FAM13A: variants seen among roughly 807,000 people sequenced by gnomAD.
FAM13A encodes the protein family with sequence similarity 13 member A.
In FAM13A, 76 loss-of-function variants were observed where a neutral mutation model predicts 129.6. The ratio of observed to expected loss-of-function variants is 0.59; its 90% confidence interval spans 0.49 to 0.71. The LOEUF is 0.71. FAM13A is among the 30% of genes least tolerant of loss of function. The pLI is 0.00. For missense variants in FAM13A, 1,108 were observed against 1,249.3 expected (o/e 0.89, Z 1.70); for synonymous variants, 443 against 449.9 (o/e 0.98, Z 0.20).
intron 4 of FAM13A, among the ~76,000 whole-genome samples, chr4:88,982,176 T>G (rs1382001769): frequency 6.6e-6 from 1 of 152,200 alleles, no homozygotes; most frequent in East Asian, 1.9e-4. Context: ...GTTGAGAAAT[T>G]TTACTGGGTA....
At chr4:88,844,294 T>C (rs2149951377) in intron 7 of FAM13A, among the ~76,000 whole-genome samples, 1 of 152,296 alleles carries the variant, frequency 6.6e-6, no homozygotes, top group East Asian at 1.9e-4. Context: ...GAAATAATAG[T>C]GAAATAATCA....
At chr4:88,965,912 A>C (rs1410480183) in intron 4 of FAM13A, among the ~76,000 whole-genome samples, 1 of 152,100 alleles carries the variant, frequency 6.6e-6, no homozygotes, top group African/African-American at 2.4e-5. Flanking sequence ...AGGCTGAATA[A>C]TACTCTCTTG....
intron 4 of FAM13A, among the ~76,000 whole-genome samples, chr4:88,967,578 A>C (rs773418796): frequency 2.6e-5 from 4 of 152,310 alleles, no homozygotes; most frequent in Non-Finnish European, 5.9e-5. Flanking sequence ...ATGTGAGCCC[A>C]TTGTGGGATG....
intron 11 of FAM13A, among the ~76,000 whole-genome samples, chr4:88,780,900 T>TA (rs1435442290): frequency 6.6e-6 from 1 of 151,668 alleles, no homozygotes; most frequent in Non-Finnish European, 1.5e-5. Flanking sequence ...AAACAAAATT[T>TA]AAAAATGCTT....
chr4:88,984,292 T>C (rs1202226613), intron 4 of FAM13A, among the ~76,000 whole-genome samples: 2 of 151,966 alleles, frequency 1.3e-5, no homozygotes, highest in Non-Finnish European at 2.9e-5. Context: ...ACAGATACAT[T>C]GCACTCCATC....
At chr4:88,957,051 T>G (rs1757861252) in intron 4 of FAM13A, among the ~76,000 whole-genome samples, 1 of 152,054 alleles carries the variant, frequency 6.6e-6, no homozygotes. Context: ...GTGGGTCGGG[T>G]GCAGTGGCTC....
At chr4:88,731,771 T>TTA (rs1265522071) in intron 22 of FAM13A, 1 of 530,066 alleles carries the variant, frequency 1.9e-6, no homozygotes, top group Non-Finnish European at 3.3e-6. Context: ...ACGATGCCCT[T>TTA]TAGAGAGAGA....
intron 1 of FAM13A, among the ~76,000 whole-genome samples, chr4:89,044,330 C>T (rs528865653): frequency 6.6e-5 from 10 of 152,238 alleles, no homozygotes; most frequent in African/African-American, 2.2e-4. Context: ...AGATGCTCAA[C>T]ATCACTGGTC....
At chr4:88,961,856 C>T (rs1296164979) in intron 4 of FAM13A, among the ~76,000 whole-genome samples, 2 of 152,160 alleles carry the variant, frequency 1.3e-5, no homozygotes, top group African/African-American at 4.8e-5. Flanking sequence ...GGTTTAACTT[C>T]ACTTTTATGG....
chr4:88,853,982 C>T (rs1738062856), intron 6 of FAM13A, among the ~76,000 whole-genome samples: 1 of 152,142 alleles, frequency 6.6e-6, no homozygotes. Flanking sequence ...GGGCCTTTGG[C>T]CACAGATTGA....
In FAM13A at chr4:88,924,128, C is replaced by G. The variant is rs187001186; in HGVS notation, c.759+13960G>C. On this transcript the variant is annotated intron_variant, in intron 5 of 23. Transcript: ENST00000264344. ...AATATCGTGAAAATGGCCATACTGCCCAAGGTAATTTATACCTTCAATGCC... is the reference window on the plus strand; with the variant it reads ...AATATCGTGAAAATGGCCATACTGCGCAAGGTAATTTATACCTTCAATGCC... Among the ~76,000 whole-genome samples the G allele has an allele frequency of 7.5e-4, 114 of 152,286 alleles. 1 individual carries two copies. Among genetic ancestry groups the G allele is most frequent in the African/African-American group, 2.7e-3 (111 of 41,548 alleles).
At chr4:88,950,139 T>TA (rs1378065499) in intron 4 of FAM13A, among the ~76,000 whole-genome samples, 1 of 152,160 alleles carries the variant, frequency 6.6e-6, no homozygotes, top group East Asian at 1.9e-4. Context: ...ACAAAATTAG[T>TA]AAAAAAGTAG....
At chr4:88,895,215 A>C (rs1212974777) in intron 6 of FAM13A, among the ~76,000 whole-genome samples, 3 of 152,158 alleles carry the variant, frequency 2.0e-5, no homozygotes, top group East Asian at 3.8e-4. Context: ...ATAAGCATAT[A>C]AACTAGGTTG....
intron 4 of FAM13A, among the ~76,000 whole-genome samples, chr4:88,972,640 C>T (rs908270909): frequency 2.0e-5 from 3 of 151,950 alleles, no homozygotes; most frequent in African/African-American, 4.8e-5. Flanking sequence ...CAGAGTCTCA[C>T]TCTGTTGCCT....
At position 88,922,191 on chromosome 4, in the gene FAM13A, C is replaced by A. The variant is rs531260157; in HGVS notation, c.760-15729G>T. On this transcript the variant is annotated intron_variant, in intron 5 of 23. Transcript: ENST00000264344. ...CCCAGGAATTGAACTCAGCTCTGCA[C>A]CAAGCGGACCTAATAGACATCTACA... Among the ~76,000 whole-genome samples the A allele has an allele frequency of 6.4e-3, 973 of 151,866 alleles. 14 individuals carry two copies. The highest frequency in any genetic ancestry group is 0.022 in the African/African-American group (917 of 41,214).
chr4:89,033,740 A>G (rs1162796412), intron 1 of FAM13A, among the ~76,000 whole-genome samples: 1 of 152,216 alleles, frequency 6.6e-6, no homozygotes, highest in Non-Finnish European at 1.5e-5. Context: ...TTGAGTTTTT[A>G]CAATAGCTAA....
At chr4:88,740,260 A>T (rs575608043) in intron 19 of FAM13A, among the ~76,000 whole-genome samples, 1 of 152,038 alleles carries the variant, frequency 6.6e-6, no homozygotes, top group Non-Finnish European at 1.5e-5. Flanking sequence ...TGAAATCACC[A>T]CCCTGCCCCG....
intron 19 of FAM13A, among the ~76,000 whole-genome samples, chr4:88,741,535 C>T (rs1341618362): frequency 6.6e-6 from 1 of 152,114 alleles, no homozygotes; most frequent in Admixed American, 6.6e-5. Flanking sequence ...GGATCGGCAA[C>T]GTTTTGTTTT....
intron 6 of FAM13A, among the ~76,000 whole-genome samples, chr4:88,900,253 C>CTT (rs1410527388): frequency 3.3e-5 from 5 of 152,088 alleles, no homozygotes; most frequent in Admixed American, 6.6e-5. Flanking sequence ...ACTTCCCCAA[C>CTT]TTAACAAGAC....
Sources: gnomAD v4.1 joint callset for allele counts (sites outside exome capture counted in the v4.1 genomes callset) on GRCh38, gnomAD v4.1.1 for gene constraint, MANE v1.5 for transcripts, NCBI Gene and HGNC (gene_info 2026-07-23, HGNC 2026-07-21) for gene names.